NPNT: variants seen among roughly 807,000 people sequenced by gnomAD.
NPNT encodes the protein nephronectin.
Under a neutral mutation model 68.6 loss-of-function variants are expected in NPNT, and 45 were observed. That is an observed-to-expected ratio of 0.66 (90% confidence interval 0.52 to 0.84). The LOEUF is 0.84. Among genes scored for constraint, NPNT ranks in the 40% least tolerant of loss-of-function variants. The pLI is 0.00. For synonymous variants in NPNT, 233 were observed against 253.3 expected, an observed-to-expected ratio of 0.92 and a Z score of 0.76; for missense variants, 672 against 714.8, an observed-to-expected ratio of 0.94 and a Z score of 0.68.
intron 7 of NPNT, among the ~76,000 whole-genome samples, 174 bp from the exon 8 acceptor site, chr4:105,942,133 A>G (rs1283331237): frequency 6.9e-6 from 1 of 144,954 alleles, no homozygotes. Context: ...ATATATATAT[A>G]TATACACACA....
intron 8 of NPNT, among the ~76,000 whole-genome samples, chr4:105,946,366 G>A (rs560312894): frequency 6.6e-6 from 1 of 152,078 alleles, no homozygotes; most frequent in Non-Finnish European, 1.5e-5. Flanking sequence ...GATATCCTTA[G>A]GAGGTCTTTG....
chr4:105,946,134 T>C (rs1324497408), intron 8 of NPNT, among the ~76,000 whole-genome samples: 1 of 152,346 alleles, frequency 6.6e-6, no homozygotes, highest in East Asian at 1.9e-4. Context: ...CATATTATTA[T>C]ATCTTCCTAT....
chr4:105,935,861 TAATA>T (rs1033930801), intron 3 of NPNT, among the ~76,000 whole-genome samples: 1 of 152,202 alleles, frequency 6.6e-6, no homozygotes, highest in African/African-American at 2.4e-5. Flanking sequence ...TACAGATTTC[TAATA>T]AATGAGCAGA....
chr4:105,945,071 G>A (rs534211322), intron 8 of NPNT, among the ~76,000 whole-genome samples: 6 of 152,128 alleles, frequency 3.9e-5, no homozygotes, highest in Non-Finnish European at 7.4e-5. Context: ...TTTAGGTGAT[G>A]TTAATTATGG....
At chr4:105,945,247 A>C (rs1730289032) in intron 8 of NPNT, among the ~76,000 whole-genome samples, 1 of 152,154 alleles carries the variant, frequency 6.6e-6, no homozygotes, top group East Asian at 1.9e-4. Flanking sequence ...TTTTCCTTAT[A>C]ATGTATGTGC....
chr4:105,927,611 A>G (rs1056746213), intron 3 of NPNT, 183 bp downstream of exon 3: 11 of 357,618 alleles, frequency 3.1e-5, no homozygotes, highest in African/African-American at 1.9e-4. Context: ...TCAAAGGACA[A>G]TTAAACAAAT....
At chr4:105,943,974 C>CA (rs1365386380) in intron 8 of NPNT, among the ~76,000 whole-genome samples, 2 of 151,806 alleles carry the variant, frequency 1.3e-5, no homozygotes, top group Admixed American at 6.6e-5. Context: ...GACACCATCT[C>CA]AAAAAAATGA....
chr4:105,932,574 G>T, intron 3 of NPNT: 2 of 1,400,296 alleles, frequency 1.4e-6, no homozygotes, highest in Non-Finnish European at 9.8e-7. Flanking sequence ...ATTGACATCA[G>T]TTCAAAGTTG....
intron 8 of NPNT, among the ~76,000 whole-genome samples, chr4:105,950,711 G>C (rs1730757626): frequency 1.3e-5 from 2 of 152,106 alleles, no homozygotes; most frequent in Non-Finnish European, 2.9e-5. Flanking sequence ...ATGTGAACAT[G>C]ACAGACCCAG....
chr4:105,959,170 T>A, intron 10 of NPNT, 44 bp downstream of exon 10: 1 of 1,191,074 alleles, frequency 8.4e-7, no homozygotes, highest in Non-Finnish European at 1.3e-6. Context: ...CATTTCAATG[T>A]GATACTATCT....
At chr4:105,912,564 T>G in intron 2 of NPNT, 3 of 992,428 alleles carry the variant, frequency 3.0e-6, no homozygotes, top group Non-Finnish European at 3.6e-6. Flanking sequence ...AAAAACAAAG[T>G]CCACCAAATG....
In NPNT at chr4:105,968,876, G is replaced by A. The variant is rs776356145; in HGVS notation, c.1603-19G>A. The A allele has an allele frequency of 6.8e-7, 1 of 1,473,640 alleles. No individual in the cohort carries two copies. The highest frequency in any genetic ancestry group is 1.1e-5 in the South Asian group (1 of 87,714). The allele number at this position is 1,473,640 out of a possible 1,614,324, so 91.3% of individuals were successfully genotyped here. A position where few individuals can be genotyped will look rare whatever the true frequency, so the allele number is the denominator to read the frequency against. On this transcript the variant is annotated intron_variant, in intron 11 of 11. Coordinates refer to ENST00000379987, the MANE Select transcript of NPNT (RefSeq NM_001033047.3). ...AAGGGGCAGAGGAGGCTTGACTGGT[G>A]TGTGCATTCTCTCCCTAGGTCGTCT...
At chr4:105,897,486 A>G (rs956466427) in intron 1 of NPNT, among the ~76,000 whole-genome samples, 1 of 152,142 alleles carries the variant, frequency 6.6e-6, no homozygotes, top group Admixed American at 6.5e-5. Flanking sequence ...GTCTTACTTA[A>G]TACTTTTCAG....
intron 2 of NPNT, among the ~76,000 whole-genome samples, chr4:105,901,492 A>G: frequency 6.6e-6 from 1 of 152,242 alleles, no homozygotes; most frequent in East Asian, 1.9e-4. Flanking sequence ...TTTTGTTAAA[A>G]GCATTTTATA....
chr4:105,954,400 A>G (rs1436510112), intron 8 of NPNT, among the ~76,000 whole-genome samples: 2 of 152,170 alleles, frequency 1.3e-5, no homozygotes, highest in African/African-American at 4.8e-5. Flanking sequence ...ATGAACATTC[A>G]TGGTTGATGT....
At chr4:105,898,890 C>T (rs749875712) in intron 2 of NPNT, among the ~76,000 whole-genome samples, 22 of 151,832 alleles carry the variant, frequency 1.4e-4, no homozygotes, top group Non-Finnish European at 2.8e-4. Flanking sequence ...GTGCTTGGGG[C>T]GGGGGTAGGG....
intron 2 of NPNT, among the ~76,000 whole-genome samples, chr4:105,903,664 T>A (rs1726614972): frequency 1.3e-5 from 2 of 152,140 alleles, no homozygotes; most frequent in Admixed American, 1.3e-4. Flanking sequence ...TTGCAATAGA[T>A]CTCTCCCCTA....
At chr4:105,925,670 T>TC (rs1319327420) in intron 2 of NPNT, among the ~76,000 whole-genome samples, 1 of 152,114 alleles carries the variant, frequency 6.6e-6, no homozygotes, top group Non-Finnish European at 1.5e-5. Context: ...TTGAGTCCAT[T>TC]CCCCTTGGTC....
rs771871394 is a variant in NPNT at position 105,959,055 on chromosome 4, A to G, written c.1274A>G (p.Asp425Gly). The change falls in exon 10 of 12, where the codon GAC becomes GGC. Residue 425 changes from aspartate (D) to glycine (G), a missense_variant. Transcript: ENST00000379987. ...PGVLVHSCNFDHGLCGWIREK... is the reference protein window; with the variant it reads ...PGVLVHSCNFGHGLCGWIREK... ...GTTCTGGTACACAGTTGTAATTTTG[A>G]CCATGGACTTTGTGGATGGATCAGG... 17 of 1,612,442 alleles carry G rather than the reference A, an allele frequency of 1.1e-5. No homozygotes were observed. The highest frequency in any genetic ancestry group is 1.3e-5 in the African/African-American group (1 of 74,874).
Sources: gnomAD v4.1 joint callset for allele counts (sites outside exome capture counted in the v4.1 genomes callset) on GRCh38, gnomAD v4.1.1 for gene constraint, MANE v1.5 for transcripts, NCBI Gene and HGNC (gene_info 2026-07-23, HGNC 2026-07-21) for gene names.